The following SLC35F1 variants were observed in gnomAD, a reference collection of about 807,000 sequenced individuals.
SLC35F1 encodes chromosome 6 open reading frame 169.
A neutral mutation model predicts 48.7 loss-of-function variants in SLC35F1; 14 were observed. That is an observed-to-expected ratio of 0.29 (90% confidence interval 0.19 to 0.45). The LOEUF (loss-of-function observed/expected upper bound fraction) is 0.45, where lower values mean the gene tolerates loss of function less well. Among genes scored for constraint, SLC35F1 ranks in the 20% least tolerant of loss-of-function variants. The pLI is 1.00. For missense variants in SLC35F1, 404 were observed against 500.0 expected, an observed-to-expected ratio of 0.81 and a Z score of 1.83; for synonymous variants, 190 against 202.2, an observed-to-expected ratio of 0.94 and a Z score of 0.51.
chr6:118,225,596 T>A (rs1431483211), intron 2 of SLC35F1, among the ~76,000 whole-genome samples: 2 of 152,210 alleles, frequency 1.3e-5, no homozygotes, highest in African/African-American at 4.8e-5. Context: ...GATTTTTTCG[T>A]GTAAGACCTC....
intron 1 of SLC35F1, among the ~76,000 whole-genome samples, chr6:117,998,217 A>G (rs1190582652): frequency 6.8e-6 from 1 of 147,126 alleles, no homozygotes. Flanking sequence ...TTCAACAAGA[A>G]GAGCTAACTA....
intron 1 of SLC35F1, among the ~76,000 whole-genome samples, chr6:118,095,221 G>A (rs1444688238): frequency 6.6e-6 from 1 of 152,238 alleles, no homozygotes; most frequent in African/African-American, 2.4e-5. Context: ...TCTGTTAAGA[G>A]GTGGGGACAG....
chr6:118,061,141 T>C (rs4509154), intron 1 of SLC35F1, among the ~76,000 whole-genome samples: 8,348 of 152,310 alleles, frequency 0.055, 784 homozygotes, highest in African/African-American at 0.19. Context: ...ACTGCCTTCC[T>C]GTACTAAGGT....
chr6:118,154,841 A>T (rs1774116001), intron 2 of SLC35F1, among the ~76,000 whole-genome samples: 1 of 152,240 alleles, frequency 6.6e-6, no homozygotes, highest in Non-Finnish European at 1.5e-5. Context: ...CTGCATGTAT[A>T]GGCAAAACTG....
At position 118,021,114 on chromosome 6, in the gene SLC35F1, A is replaced by T. The variant is rs530040481; in HGVS notation, c.173+113215A>T. On this transcript the variant is annotated intron_variant, in intron 1 of 7. Coordinates refer to ENST00000360388, the MANE Select transcript of SLC35F1 (RefSeq NM_001029858.4). The stretch of plus-strand genomic sequence containing the variant: ...CAAGAATAGAGCCTGGAGACTAGCC[A>T]TGGGACTGCTGCTGTAACTCAGTTG... Among the ~76,000 whole-genome samples, 10 of 152,286 alleles carry T rather than the reference A, an allele frequency of 6.6e-5. No homozygotes were observed. The South Asian group carries it at 2.1e-3, about 32-fold the overall frequency.
intron 1 of SLC35F1, among the ~76,000 whole-genome samples, chr6:117,921,891 G>A (rs1775904225): frequency 6.6e-6 from 1 of 152,168 alleles, no homozygotes; most frequent in African/African-American, 2.4e-5. Flanking sequence ...AAATGTAAAT[G>A]GGAATGTAGG....
At chr6:118,233,964 G>A (rs978938712) in intron 2 of SLC35F1, among the ~76,000 whole-genome samples, 20 of 152,164 alleles carry the variant, frequency 1.3e-4, no homozygotes, top group African/African-American at 4.8e-4. Context: ...CACAACTCAT[G>A]CTTTGACAGT....
At chr6:117,995,793 T>A (rs895667557) in intron 1 of SLC35F1, among the ~76,000 whole-genome samples, 1 of 152,152 alleles carries the variant, frequency 6.6e-6, no homozygotes, top group African/African-American at 2.4e-5. Context: ...AGGGCAGTCA[T>A]ATTCAAAGTT....
At chr6:118,239,172 T>TATC (rs1369251252) in intron 3 of SLC35F1, among the ~76,000 whole-genome samples, 1 of 150,804 alleles carries the variant, frequency 6.6e-6, no homozygotes, top group African/African-American at 2.4e-5. Flanking sequence ...AACTGTGAGC[T>TATC]CTTTCATAGC....
intron 3 of SLC35F1, among the ~76,000 whole-genome samples, chr6:118,263,321 G>T (rs940368187): frequency 1.3e-5 from 2 of 152,144 alleles, no homozygotes; most frequent in Non-Finnish European, 2.9e-5. Flanking sequence ...CTCCCAAAGT[G>T]CTGGGATTAC....
At chr6:118,178,016 G>A (rs1026386062) in intron 2 of SLC35F1, among the ~76,000 whole-genome samples, 2 of 152,026 alleles carry the variant, frequency 1.3e-5, no homozygotes, top group Non-Finnish European at 2.9e-5. Flanking sequence ...GCTCACTTTT[G>A]TGAGGTTTGG....
At chr6:117,987,832 G>A (rs931177725) in intron 1 of SLC35F1, among the ~76,000 whole-genome samples, 1 of 152,154 alleles carries the variant, frequency 6.6e-6, no homozygotes, top group Non-Finnish European at 1.5e-5. Flanking sequence ...TATTTTATGT[G>A]TTTTTTAAAT....
chr6:118,092,523 G>C (rs1330981036), intron 1 of SLC35F1, among the ~76,000 whole-genome samples: 1 of 152,216 alleles, frequency 6.6e-6, no homozygotes, highest in Non-Finnish European at 1.5e-5. Flanking sequence ...CTGCATAGTA[G>C]AGCTGTGAGA....
chr6:117,979,176 A>T (rs10457324), intron 1 of SLC35F1, among the ~76,000 whole-genome samples: 32,296 of 152,224 alleles, frequency 0.21, 3,625 homozygotes, highest in East Asian at 0.3. Context: ...GCTCCCCACC[A>T]CATCCCCCAA....
chr6:117,917,373 A>G (rs1225192213), intron 1 of SLC35F1, among the ~76,000 whole-genome samples: 1 of 151,518 alleles, frequency 6.6e-6, no homozygotes, highest in African/African-American at 2.4e-5. Flanking sequence ...TGAAAAGACC[A>G]CTCTGGCTGC....
intron 1 of SLC35F1, among the ~76,000 whole-genome samples, chr6:118,019,868 A>G (rs927415989): frequency 4.6e-5 from 7 of 152,192 alleles, no homozygotes; most frequent in African/African-American, 1.7e-4. Flanking sequence ...TGTGGTCCCT[A>G]TTTCAGCTTA....
intron 1 of SLC35F1, among the ~76,000 whole-genome samples, chr6:117,929,729 A>G (rs191655196): frequency 1.3e-5 from 2 of 152,232 alleles, no homozygotes; most frequent in Admixed American, 6.5e-5. Flanking sequence ...TATCTGCTTT[A>G]CTTAAAGCTA....
At chr6:118,236,703 G>A (rs563376465) in intron 3 of SLC35F1, among the ~76,000 whole-genome samples, 3 of 152,198 alleles carry the variant, frequency 2.0e-5, no homozygotes, top group Non-Finnish European at 4.4e-5. Flanking sequence ...AAGAGCTTTT[G>A]TGGGATCAGA....
chr6:118,214,935 C>A (rs148847174), intron 2 of SLC35F1, among the ~76,000 whole-genome samples: 124 of 152,258 alleles, frequency 8.1e-4, no homozygotes, highest in African/African-American at 2.9e-3. Context: ...TTTTCCCTAA[C>A]CTCTTTTAAA....
Sources: gnomAD v4.1 joint callset for allele counts (sites outside exome capture counted in the v4.1 genomes callset) on GRCh38, gnomAD v4.1.1 for gene constraint, MANE v1.5 for transcripts, NCBI Gene and HGNC (gene_info 2026-07-23, HGNC 2026-07-21) for gene names.